NBEAL1: variants seen among roughly 807,000 people sequenced by gnomAD.
NBEAL1 encodes neurobeachin like 1.
Under a neutral mutation model 351.3 loss-of-function variants are expected in NBEAL1, and 273 were observed. That is an observed-to-expected ratio of 0.78 (90% CI 0.70 to 0.86). The LOEUF is 0.86. Among genes scored for constraint, NBEAL1 ranks in the 40% least tolerant of loss-of-function variants. NBEAL1 has a pLI of 0.00. For synonymous variants in NBEAL1, 1,050 were observed against 1,086.4 expected (o/e 0.97, Z 0.66); for missense variants, 2,961 against 3,201.3 (o/e 0.92, Z 1.81).
chr2:203,075,436 T>C (rs1390513842), intron 7 of NBEAL1, among the ~76,000 whole-genome samples: 2 of 152,236 alleles, frequency 1.3e-5, no homozygotes, highest in East Asian at 3.8e-4. Context: ...GTGTGTCCAC[T>C]GTGGCTGAGT....
Position 203,020,006 on chromosome 2 carries a change from GATAATTTTAATTGATAA to G in NBEAL1, c.51+3589_51+3605del, listed in dbSNP as rs559923601. Among the ~76,000 whole-genome samples, 601 of 151,258 alleles carry G rather than the reference GATAATTTTAATTGATAA, an allele frequency of 4.0e-3. 4 individuals are homozygous for G. Among genetic ancestry groups the G allele is most frequent in the African/African-American group, 0.014 (570 of 41,400 alleles). ...TTTTTAATTGATAATAATTTTATCT[GATAATTTTAATTGATAA>G]ATAATTTTAATTGATAATAATTTTA... is the stretch of plus-strand genomic sequence containing the variant. On this transcript the variant is annotated intron_variant, in intron 2 of 55. Coordinates refer to ENST00000683969, the MANE Select transcript of NBEAL1 (RefSeq NM_001378026.1).
intron 30 of NBEAL1, 152 bp downstream of exon 30, chr2:203,138,467 C>G: frequency 7.0e-6 from 7 of 999,776 alleles, no homozygotes; most frequent in Non-Finnish European, 1.0e-5. Flanking sequence ...TTTTTGTTAG[C>G]TATTACTAGG....
chr2:203,032,279 A>G (rs979743528), intron 2 of NBEAL1, among the ~76,000 whole-genome samples: 6 of 152,214 alleles, frequency 3.9e-5, no homozygotes, highest in African/African-American at 1.2e-4. Context: ...AAACAGTGAG[A>G]TAATAAATGT....
chr2:203,199,342 C>T lies in NBEAL1; in HGVS notation c.7133C>T (p.Thr2378Ile). 1.3e-6 allele frequency: 2 copies of T among 1,561,508 alleles called. No individual in the cohort carries two copies. The highest frequency in any genetic ancestry group is 1.8e-6 in the Non-Finnish European group (2 of 1,136,100). The change falls in exon 49 of 56, where the codon ACA becomes ATA. Residue 2378 changes from threonine to isoleucine, a missense_variant. Coordinates refer to ENST00000683969, the MANE Select transcript of NBEAL1 (RefSeq NM_001378026.1). ...TCTTCATATGTTCTTTTCCAGATAA[C>T]AATAAGCATGAATTATGTTATTGGA... ...MSQGSPELLI[T>I]ISMNYVIGTH... is the part of the protein sequence containing the mutation.
At chr2:203,129,645 A>G (rs922178233) in intron 24 of NBEAL1, among the ~76,000 whole-genome samples, 3 of 152,312 alleles carry the variant, frequency 2.0e-5, no homozygotes, top group African/African-American at 4.8e-5. Context: ...TTTTAAGCTA[A>G]TGGGGCAGGG....
chr2:203,171,294 A>C (rs181679701), intron 39 of NBEAL1, among the ~76,000 whole-genome samples: 1 of 72,900 alleles, frequency 1.4e-5, no homozygotes, highest in South Asian at 4.4e-4. Context: ...TGAAATAATA[A>C]AATAAAATGT....
chr2:203,151,966 C>CT (rs756039318), intron 35 of NBEAL1, among the ~76,000 whole-genome samples: 177 of 150,456 alleles, frequency 1.2e-3, no homozygotes, highest in Non-Finnish European at 2.0e-3. Flanking sequence ...CTTTTCTTTT[C>CT]TTTTTTTTGA....
chr2:203,078,609 G>A (rs2061819267), intron 8 of NBEAL1, among the ~76,000 whole-genome samples: 1 of 152,170 alleles, frequency 6.6e-6, no homozygotes, highest in Non-Finnish European at 1.5e-5. Context: ...CCAAGTACTG[G>A]AATTACGGGC....
chr2:203,097,557 AT>A lies in NBEAL1; in HGVS notation c.1110del (p.Asn370LysfsTer19). On this transcript the variant is annotated frameshift_variant, in exon 11 of 56. Transcript: ENST00000683969. LOFTEE classifies it high-confidence loss of function. ...CTCTGTTTTTAACAGCTATTTTTAA[AT>A]GCTAACAATAAGGTGGCAGACAAGA... ...RLLQNCKLFL[N>X]ANNKVADKNE... 1 of 984,458 alleles carries A rather than the reference AT, an allele frequency of 1.0e-6. No individual in the cohort carries two copies. Among genetic ancestry groups the A allele is most frequent in the Non-Finnish European group, 1.2e-6 (1 of 828,668 alleles). 61.0% of individuals were successfully genotyped at this position (984,458 alleles called of 1,614,324 possible).
chr2:203,176,522 C>G lies in NBEAL1; in HGVS notation c.6464+1235C>G, dbSNP rs1242785721. ...GGTGGATCACCTGAGGTCAGAATTT[C>G]AAGACCAGCCTGGCCTGGCCAAAAT... On this transcript the variant is annotated intron_variant, in intron 42 of 55. Transcript: ENST00000683969. Among the ~76,000 whole-genome samples, 5 of 151,436 alleles carry G rather than the reference C, an allele frequency of 3.3e-5. No homozygotes were observed. The East Asian group carries it at 9.8e-4, about 30-fold the overall frequency.
At chr2:203,168,835 A>G (rs2064221931) in intron 38 of NBEAL1, among the ~76,000 whole-genome samples, 2 of 139,424 alleles carry the variant, frequency 1.4e-5, no homozygotes, top group African/African-American at 5.3e-5. Context: ...CAGAGGTTAC[A>G]GTGAGCCGAG....
At position 203,058,291 on chromosome 2, in the gene NBEAL1, C is replaced by A. The variant is rs190732440; in HGVS notation, c.515+838C>A. On this transcript the variant is annotated intron_variant, in intron 6 of 55. Transcript: ENST00000683969. ...AAGTAATCCTCCCGCCTTAGCCTCC[C>A]AAATACTGGGATTATAGACATGAAC... Among the ~76,000 whole-genome samples the A allele has an allele frequency of 2.7e-3, 408 of 152,260 alleles. 5 individuals are homozygous for A. Among genetic ancestry groups the A allele is most frequent in the Admixed American group, 0.02 (311 of 15,292 alleles).
intron 17 of NBEAL1, among the ~76,000 whole-genome samples, chr2:203,115,603 A>T (rs925669758): frequency 4.6e-5 from 7 of 150,778 alleles, no homozygotes; most frequent in Middle Eastern, 3.2e-3. Context: ...TAATTTTGAT[A>T]TTTTTTTGTA....
intron 43 of NBEAL1, chr2:203,181,100 A>T (rs1013987997): frequency 2.0e-5 from 3 of 150,844 alleles, no homozygotes; most frequent in African/African-American, 7.3e-5. Flanking sequence ...CCATGCCTGC[A>T]ATTTTTTTTT....
At position 203,049,811 on chromosome 2, in the gene NBEAL1, T is replaced by C; in HGVS notation, c.144-3T>C. ...TTCTTATTTTTTTCCCTTTCTGTTG[T>C]AGGGTAGATGATATGCCTCCAGGAA... On this transcript the variant is annotated splice_polypyrimidine_tract_variant and splice_region_variant and intron_variant, in intron 3 of 55. Transcript: ENST00000683969. 6.5e-7 allele frequency: 1 copy of C among 1,540,312 alleles called. No individual in the cohort carries two copies. The highest frequency in any genetic ancestry group is 8.8e-7 in the Non-Finnish European group (1 of 1,141,020).
chr2:203,102,762 A>G (rs185603479), intron 12 of NBEAL1, among the ~76,000 whole-genome samples: 1 of 152,262 alleles, frequency 6.6e-6, no homozygotes. Context: ...ATTGGCCTGA[A>G]GTTTTCTTTA....
At chr2:203,116,105 T>C (rs1233678416) in intron 18 of NBEAL1, 35 bp downstream of exon 18, 3 of 1,416,066 alleles carry the variant, frequency 2.1e-6, no homozygotes, top group East Asian at 2.5e-5. Flanking sequence ...CATCTAGTTA[T>C]AACTATGTTG....
intron 36 of NBEAL1, among the ~76,000 whole-genome samples, chr2:203,164,798 A>G (rs1409700047): frequency 6.6e-6 from 1 of 151,912 alleles, no homozygotes; most frequent in Admixed American, 6.6e-5. Context: ...AGGACCAGAG[A>G]GTTAGCTGGC....
At chr2:203,192,385 A>ATTTTTTTT (rs753136759) in intron 46 of NBEAL1, among the ~76,000 whole-genome samples, 1 of 144,722 alleles carries the variant, frequency 6.9e-6, no homozygotes. Flanking sequence ...TTAAAAGATA[A>ATTTTTTTT]TTTTTTTTTT....
Sources: allele counts gnomAD v4.1 joint callset (sites outside exome capture counted in the v4.1 genomes callset), GRCh38; gene constraint gnomAD v4.1.1; transcripts MANE v1.5; gene names NCBI Gene and HGNC (gene_info 2026-07-23, HGNC 2026-07-21).